The following CFAP58 variants were observed in gnomAD, a reference collection of about 807,000 sequenced individuals.
CFAP58 encodes the protein cilia and flagella associated protein 58, also known as cilia- and flagella-associated protein 58.
CFAP58 carries 88 observed loss-of-function variants against 119.5 expected under a neutral mutation model. The ratio of observed to expected loss-of-function variants is 0.74; its 90% confidence interval spans 0.62 to 0.88. CFAP58 has a LOEUF of 0.88. Ranked by LOEUF, CFAP58 falls within the 40% of genes least tolerant of loss-of-function variation. The pLI, the probability that CFAP58 is intolerant of heterozygous loss-of-function variation, is 0.00. For synonymous variants in CFAP58, 365 were observed against 366.3 expected (o/e 1.00, Z 0.04); for missense variants, 990 against 1,021.2 (o/e 0.97, Z 0.42).
At chr10:104,354,111 C>G (rs2014507837) in intron 1 of CFAP58, among the ~76,000 whole-genome samples, 3 of 152,222 alleles carry the variant, frequency 2.0e-5, no homozygotes, top group South Asian at 2.1e-4. Flanking sequence ...GGACACCCCA[C>G]TATCCCCACT....
chr10:104,406,678 C>G lies in CFAP58; in HGVS notation c.2152-11C>G. ...GATATCTCAGCTGCTATTGTTGTTC[C>G]CCTTGGACAGGCCAGCGACCCCAAT... On this transcript the variant is annotated splice_polypyrimidine_tract_variant and intron_variant, in intron 14 of 17. Transcript: ENST00000369704. 1.9e-6 allele frequency: 3 copies of G among 1,612,314 alleles called. No homozygotes were observed. Among genetic ancestry groups the G allele is most frequent in the Non-Finnish European group, 2.5e-6 (3 of 1,178,440 alleles).
intron 15 of CFAP58, among the ~76,000 whole-genome samples, chr10:104,445,322 C>CA (rs762588303): frequency 0.31 from 33,748 of 109,962 alleles, 4,319 homozygotes; most frequent in Non-Finnish European, 0.37. Context: ...GACCCGGTCT[C>CA]AAAAAAAAAA....
chr10:104,357,970 C>CATACATACACAT (rs1554912641), intron 1 of CFAP58, among the ~76,000 whole-genome samples: 1 of 105,496 alleles, frequency 9.5e-6, no homozygotes, highest in African/African-American at 5.2e-5. Flanking sequence ...TATATGTACA[C>CATACATACACAT]ATATGTACAT....
intron 15 of CFAP58, among the ~76,000 whole-genome samples, chr10:104,410,051 A>G (rs1013380121): frequency 4.6e-5 from 7 of 152,158 alleles, no homozygotes; most frequent in African/African-American, 9.7e-5. Flanking sequence ...CTTTTACTCA[A>G]CAGTTACCAC....
intron 15 of CFAP58, among the ~76,000 whole-genome samples, chr10:104,408,968 C>T (rs1305649138): frequency 6.6e-6 from 1 of 151,968 alleles, no homozygotes; most frequent in African/African-American, 2.4e-5. Flanking sequence ...GGCGTGGGGG[C>T]GTGCACGTTT....
intron 15 of CFAP58, among the ~76,000 whole-genome samples, chr10:104,410,768 G>T (rs1395095693): frequency 6.6e-6 from 1 of 152,076 alleles, no homozygotes; most frequent in Non-Finnish European, 1.5e-5. Flanking sequence ...GAGGGTTCCT[G>T]TGTCTTCGAA....
At chr10:104,421,108 G>A (rs1444399367) in intron 15 of CFAP58, among the ~76,000 whole-genome samples, 2 of 152,042 alleles carry the variant, frequency 1.3e-5, no homozygotes, top group African/African-American at 4.8e-5. Flanking sequence ...CATCTTAAAC[G>A]TCAGAAGTCC....
Position 104,399,466 on chromosome 10 carries a change from G to A in CFAP58, c.1781G>A (p.Gly594Glu), listed in dbSNP as rs1428068279. ...CTGCGAATAATTGCTGAGGCTGACG[G>A]GGAGAGGTTGAGACAGAAGAAGGAA... Reference protein sequence around the residue: ...KLLRIIAEADGERLRQKKELD... With the variant: ...KLLRIIAEADEERLRQKKELD... Residue 594 changes from glycine (G) to glutamate (E), a missense_variant, in exon 12 of 18, where the codon GGG becomes GAG. Transcript: ENST00000369704. 1 of 1,613,768 alleles carries A rather than the reference G, an allele frequency of 6.2e-7. No homozygotes were observed. The highest frequency in any genetic ancestry group is 1.1e-5 in the South Asian group (1 of 91,060).
At chr10:104,381,782 G>C (rs1480053916) in intron 9 of CFAP58, among the ~76,000 whole-genome samples, 1 of 152,164 alleles carries the variant, frequency 6.6e-6, no homozygotes, top group Non-Finnish European at 1.5e-5. Context: ...AGGGCTACTG[G>C]AGGAGCACAG....
chr10:104,365,805 A>C lies in CFAP58; in HGVS notation c.598-9A>C. The C allele has an allele frequency of 6.2e-7, 1 of 1,601,182 alleles. No homozygotes were observed. Among genetic ancestry groups the C allele is most frequent in the Non-Finnish European group, 8.5e-7 (1 of 1,175,248 alleles). On this transcript the variant is annotated splice_polypyrimidine_tract_variant and intron_variant, in intron 4 of 17. Coordinates refer to ENST00000369704, the MANE Select transcript of CFAP58 (RefSeq NM_001008723.2). ...TCTCTTTCTCTCTTGTCCTTTCCGC[A>C]ACCTCTAGTTCCAACAAGAAATCCA...
intron 15 of CFAP58, among the ~76,000 whole-genome samples, chr10:104,422,766 G>C (rs2012682051): frequency 6.6e-6 from 1 of 152,146 alleles, no homozygotes; most frequent in Non-Finnish European, 1.5e-5. Context: ...AGTACTTTTT[G>C]GGTCTCCATT....
intron 1 of CFAP58, among the ~76,000 whole-genome samples, chr10:104,356,773 T>G (rs374876811): frequency 3.2e-4 from 48 of 152,366 alleles, no homozygotes; most frequent in African/African-American, 1.1e-3. Context: ...TTCTATGCTT[T>G]CATTAACTGC....
intron 15 of CFAP58, among the ~76,000 whole-genome samples, chr10:104,424,555 C>G (rs1251534287): frequency 6.6e-6 from 1 of 152,110 alleles, no homozygotes; most frequent in Non-Finnish European, 1.5e-5. Flanking sequence ...TCCTTACCTG[C>G]AAGAAATTTA....
At chr10:104,406,357 G>A (rs1046650661) in intron 14 of CFAP58, among the ~76,000 whole-genome samples, 3 of 152,174 alleles carry the variant, frequency 2.0e-5, no homozygotes, top group African/African-American at 4.8e-5. Context: ...AAAGCACTTA[G>A]CATAGTATCT....
chr10:104,450,175 C>T lies in CFAP58; in HGVS notation c.2481C>T (p.Leu827=), dbSNP rs780392443. ...TCCAGAATTTAAAGAAGAAATACCT[C>T]GCTCAGAAACGTAAAGAACAACTTC... ...NELQNLKKKY[L]AQKRKEQLQK... The change falls in exon 17 of 18, where the codon CTC becomes CTT. Residue 827 remains leucine (L), a synonymous_variant. Transcript: ENST00000369704. 16 of 1,612,974 alleles carry T rather than the reference C, an allele frequency of 9.9e-6. No homozygotes were observed. Among genetic ancestry groups the T allele is most frequent in the South Asian group, 3.3e-5 (3 of 90,706 alleles).
rs1171688020 is a variant in CFAP58, at chr10:104,365,820, C to A, written c.604C>A (p.Gln202Lys). 1 of 1,608,956 alleles carries A rather than the reference C, an allele frequency of 6.2e-7. No homozygotes were observed. Among genetic ancestry groups the A allele is most frequent in the Admixed American group, 1.7e-5 (1 of 58,832 alleles). Reference sequence around the variant, plus strand: ...TCCTTTCCGCAACCTCTAGTTCCAACAAGAAATCCAGCAACGTCAGAACGA... The same window carrying A: ...TCCTTTCCGCAACCTCTAGTTCCAAAAAGAAATCCAGCAACGTCAGAACGA... ...EAEHAISQFQ[Q>K]EIQQRQNEAS... Residue 202 changes from glutamine (Q) to lysine (K), a missense_variant, in exon 5 of 18, where the codon CAA becomes AAA. Physicochemically the swap from Gln to Lys is moderately conservative, Grantham distance 53. Transcript: ENST00000369704.
chr10:104,357,838 C>T (rs1281239027), intron 1 of CFAP58, among the ~76,000 whole-genome samples: 1 of 71,934 alleles, frequency 1.4e-5, no homozygotes, highest in African/African-American at 7.0e-5. Flanking sequence ...CATATATGTA[C>T]ACATATGTAC....
chr10:104,357,960 TATATGTACACATATGTAC>T lies in CFAP58; in HGVS notation c.10-366_10-349del, dbSNP rs202147398. 5.3e-4 allele frequency among the ~76,000 whole-genome samples: 65 copies of T among 122,048 alleles called. 1 individual carries two copies. Among genetic ancestry groups the T allele is most frequent in the African/African-American group, 8.8e-4 (25 of 28,290 alleles). The allele number at this position is 122,048 out of a possible 152,430, so 80.1% of individuals were successfully genotyped here. A position where few individuals can be genotyped will look rare whatever the true frequency, so the allele number is the denominator to read the frequency against. On this transcript the variant is annotated intron_variant, in intron 1 of 17. Transcript: ENST00000369704. The stretch of plus-strand genomic sequence containing the variant: ...ACATATATGTACACATATATACACA[TATATGTACACATATGTAC>T]ATATGTACACATATATGTACACATA...
At chr10:104,407,035 T>A (rs900334715) in intron 15 of CFAP58, among the ~76,000 whole-genome samples, 1 of 152,346 alleles carries the variant, frequency 6.6e-6, no homozygotes, top group African/African-American at 2.4e-5. Flanking sequence ...CAATGGGTAA[T>A]GTGAGCAACC....
Sources: gnomAD v4.1 joint callset for allele counts (sites outside exome capture counted in the v4.1 genomes callset) on GRCh38, gnomAD v4.1.1 for gene constraint, MANE v1.5 for transcripts, NCBI Gene and HGNC (gene_info 2026-07-23, HGNC 2026-07-21) for gene names.